The following IFTAP variants were observed in gnomAD, a reference collection of about 807,000 sequenced individuals.
IFTAP encodes the protein intraflagellar transport-associated protein.
IFTAP carries 19 observed loss-of-function variants against 19.4 expected under a neutral mutation model. The observed-to-expected ratio is 0.98, with a 90% CI of 0.68 to 1.44. The LOEUF is 1.44. Among genes scored for constraint, IFTAP ranks in the 40% most tolerant of loss-of-function variants. IFTAP has a pLI of 0.00. For missense variants in IFTAP, 240 were observed against 253.6 expected, an observed-to-expected ratio of 0.95 and a Z score of 0.36; for synonymous variants, 85 against 83.5, an observed-to-expected ratio of 1.02 and a Z score of -0.10.
chr11:36,631,723 T>G lies in IFTAP; in HGVS notation c.137-1561T>G, dbSNP rs137899042. 7.7e-3 allele frequency among the ~76,000 whole-genome samples: 1,155 copies of G among 150,790 alleles called. 84 individuals carry two copies. Among genetic ancestry groups the G allele is most frequent in the African/African-American group, 0.027 (1,096 of 40,130 alleles). Reference sequence around the variant, plus strand: ...TTTATAGTAGAGGCTAGTAAGGGGATGGAGTAGGATTCTCCAACCCAACAA... The same window carrying G: ...TTTATAGTAGAGGCTAGTAAGGGGAGGGAGTAGGATTCTCCAACCCAACAA... On this transcript the variant is annotated intron_variant, in intron 2 of 5. Transcript: ENST00000334307.
intron 1 of IFTAP, among the ~76,000 whole-genome samples, chr11:36,608,891 G>A (rs1776295724): frequency 6.6e-6 from 1 of 152,154 alleles, no homozygotes; most frequent in South Asian, 2.1e-4. Flanking sequence ...AAATAATTGA[G>A]CAAGTATAGT....
intron 4 of IFTAP, among the ~76,000 whole-genome samples, chr11:36,640,516 G>A (rs1461695008): frequency 1.3e-5 from 2 of 152,160 alleles, no homozygotes; most frequent in African/African-American, 4.8e-5. Flanking sequence ...TGAGTGGTGT[G>A]CTGAACTGGT....
At chr11:36,617,225 A>AT in intron 2 of IFTAP, among the ~76,000 whole-genome samples, 1 of 148,094 alleles carries the variant, frequency 6.8e-6, no homozygotes, top group East Asian at 1.9e-4. Flanking sequence ...TTGTATATTT[A>AT]TTTTTTTGTA....
chr11:36,629,544 G>C (rs898697229), intron 2 of IFTAP, among the ~76,000 whole-genome samples: 7 of 151,346 alleles, frequency 4.6e-5, no homozygotes, highest in Non-Finnish European at 8.8e-5. Flanking sequence ...CATTGCATGG[G>C]CACTAGTCTG....
At chr11:36,596,222 G>GTTTTTTTTT (rs67282079) in intron 1 of IFTAP, among the ~76,000 whole-genome samples, 2 of 118,378 alleles carry the variant, frequency 1.7e-5, no homozygotes, top group African/African-American at 6.2e-5. Flanking sequence ...TTTTTTTTTT[G>GTTTTTTTTT]TTTTTTTTTT....
chr11:36,613,792 C>T (rs549749066), intron 2 of IFTAP, among the ~76,000 whole-genome samples: 2 of 152,110 alleles, frequency 1.3e-5, no homozygotes, highest in East Asian at 1.9e-4. Context: ...CTTTGGGTCA[C>T]GGTTGCATTG....
chr11:36,603,601 A>C (rs1851584406), intron 1 of IFTAP, among the ~76,000 whole-genome samples: 1 of 152,164 alleles, frequency 6.6e-6, no homozygotes, highest in Admixed American at 6.5e-5. Context: ...AGTTATTGCT[A>C]TTACAGAAAC....
chr11:36,619,308 A>G (rs1852213185), intron 2 of IFTAP, among the ~76,000 whole-genome samples: 1 of 152,010 alleles, frequency 6.6e-6, no homozygotes, highest in Non-Finnish European at 1.5e-5. Flanking sequence ...AAAACAACAC[A>G]TTTCCGAAGT....
intron 2 of IFTAP, among the ~76,000 whole-genome samples, chr11:36,623,406 AT>A (rs1236059106): frequency 1.3e-5 from 2 of 150,966 alleles, no homozygotes; most frequent in Non-Finnish European, 2.9e-5. Context: ...TAAATATGAC[AT>A]TTTTGTTGAA....
chr11:36,622,755 G>C (rs1292488824), intron 2 of IFTAP, among the ~76,000 whole-genome samples: 1 of 152,062 alleles, frequency 6.6e-6, no homozygotes, highest in Non-Finnish European at 1.5e-5. Flanking sequence ...ATACGAAAGA[G>C]AAAAACATCA....
intron 5 of IFTAP, among the ~76,000 whole-genome samples, chr11:36,656,605 C>T (rs934072470): frequency 6.6e-6 from 1 of 152,034 alleles, no homozygotes; most frequent in Non-Finnish European, 1.5e-5. Context: ...AGCTTCTGCA[C>T]TTTCCTCTCT....
chr11:36,615,053 G>A (rs1228823338), intron 2 of IFTAP, among the ~76,000 whole-genome samples: 2 of 131,142 alleles, frequency 1.5e-5, no homozygotes, highest in Admixed American at 7.6e-5. Flanking sequence ...ATGGTTTTAG[G>A]TCTAACGTTT....
At chr11:36,616,497 A>T (rs191432465) in intron 2 of IFTAP, among the ~76,000 whole-genome samples, 1 of 151,966 alleles carries the variant, frequency 6.6e-6, no homozygotes, top group Admixed American at 6.6e-5. Flanking sequence ...CTGAATGTTC[A>T]GGACAAATGG....
chr11:36,622,776 T>C (rs951507933), intron 2 of IFTAP, among the ~76,000 whole-genome samples: 2 of 152,182 alleles, frequency 1.3e-5, no homozygotes, highest in Non-Finnish European at 2.9e-5. Flanking sequence ...AGGTTAAATA[T>C]GAAAGGAATC....
intron 2 of IFTAP, among the ~76,000 whole-genome samples, chr11:36,618,877 GA>G (rs1194789445): frequency 4.6e-5 from 7 of 152,048 alleles, no homozygotes; most frequent in Admixed American, 2.0e-4. Flanking sequence ...GGGCTAAGGA[GA>G]AGTACGTTGC....
At chr11:36,639,393 T>G (rs1328139509) in intron 4 of IFTAP, among the ~76,000 whole-genome samples, 1 of 152,148 alleles carries the variant, frequency 6.6e-6, no homozygotes, top group East Asian at 1.9e-4. Flanking sequence ...CAGCCTTGTT[T>G]GATTTTCATT....
At chr11:36,638,788 T>A (rs1853070215) in intron 4 of IFTAP, among the ~76,000 whole-genome samples, 1 of 152,244 alleles carries the variant, frequency 6.6e-6, no homozygotes, top group Non-Finnish European at 1.5e-5. Context: ...GCTTGCATAT[T>A]GTTTTTCTAC....
chr11:36,637,947 C>T, intron 4 of IFTAP, among the ~76,000 whole-genome samples: 1 of 150,956 alleles, frequency 6.6e-6, no homozygotes, highest in East Asian at 1.9e-4. Flanking sequence ...ATGGCATGAT[C>T]TCAGCTCACT....
At chr11:36,597,963 A>G (rs1851345317) in intron 1 of IFTAP, 1 of 152,070 alleles carries the variant, frequency 6.6e-6, no homozygotes, top group Non-Finnish European at 1.5e-5. Context: ...TCCAAATTCT[A>G]CTCATCCCTT....
Sources: allele counts gnomAD v4.1 joint callset (sites outside exome capture counted in the v4.1 genomes callset), GRCh38; gene constraint gnomAD v4.1.1; transcripts MANE v1.5; gene names NCBI Gene and HGNC (gene_info 2026-07-23, HGNC 2026-07-21).